The following NBPF26 variants were observed in gnomAD, a reference collection of about 807,000 sequenced individuals.
The protein encoded by NBPF26 is NBPF member 26.
Under a neutral mutation model 119.6 loss-of-function variants are expected in NBPF26, and 79 were observed. The observed-to-expected ratio is 0.66, with a 90% CI of 0.55 to 0.80. The LOEUF is 0.80. Among genes scored for constraint, NBPF26 ranks in the 30% least tolerant of loss-of-function variants. NBPF26 has a pLI of 0.00. For synonymous variants in NBPF26, 299 were observed against 457.7 expected, an observed-to-expected ratio of 0.65 and a Z score of 4.43; for missense variants, 800 against 1,198.2, an observed-to-expected ratio of 0.67 and a Z score of 4.91.
At position 120,770,289 on chromosome 1, in the gene NBPF26, C is replaced by T. The variant is rs1313432545; in HGVS notation, c.155+6580C>T. On this transcript the variant is annotated intron_variant, in intron 2 of 29. Coordinates refer to ENST00000620612, the Ensembl canonical transcript of NBPF26. ...GGTTCATGCCATTCTCCTGCCTCAGCCTCTCAAGTAGCCGGGACTATAAGC... is the reference window on the plus strand; with the variant it reads ...GGTTCATGCCATTCTCCTGCCTCAGTCTCTCAAGTAGCCGGGACTATAAGC... Among the ~76,000 whole-genome samples, 62 of 107,364 alleles carry T rather than the reference C, an allele frequency of 5.8e-4. 11 individuals are homozygous for T. Among genetic ancestry groups the T allele is most frequent in the Admixed American group, 7.3e-4 (8 of 11,034 alleles). The allele number at this position is 107,364 out of a possible 152,430, so 70.4% of individuals were successfully genotyped here. A position where few individuals can be genotyped will look rare whatever the true frequency, so the allele number is the denominator to read the frequency against.
At chr1:120,805,676 C>A in exon 5 of NBPF26, 1 of 1,458,452 alleles carries the variant, frequency 6.9e-7, no homozygotes. Flanking sequence ...CCCCAGCTGC[C>A]AGAGAACAAA....
chr1:120,812,129 T>A lies in NBPF26; in HGVS notation c.1774+34T>A, dbSNP rs1651883962. On this transcript the variant is annotated intron_variant, in intron 10 of 29. Transcript: ENST00000620612. ...TATTGGCTCACCATCACGAAAGTGATGAACGAGGTCCTGTCTTCTCTCTGA... is the reference window on the plus strand; with the variant it reads ...TATTGGCTCACCATCACGAAAGTGAAGAACGAGGTCCTGTCTTCTCTCTGA... The A allele has an allele frequency of 8.3e-6, 9 of 1,086,620 alleles. 2 individuals are homozygous for A. In the South Asian group the frequency reaches 1.2e-4, roughly 14 times the overall value. 67.3% of individuals were successfully genotyped at this position (1,086,620 alleles called of 1,614,324 possible).
rs1651164538 is a variant in NBPF26, at chr1:120,764,208, T to C, written c.155+499T>C. Among the ~76,000 whole-genome samples, 2 of 115,288 alleles carry C rather than the reference T, an allele frequency of 1.7e-5. 1 individual carries two copies. Among genetic ancestry groups the C allele is most frequent in the African/African-American group, 9.8e-5 (2 of 20,308 alleles). 75.6% of individuals were successfully genotyped at this position (115,288 alleles called of 152,430 possible). ...GTTGCAGTGAGCTGAGACCACATCATTGCACTCTAGCCTGGGTGACAGAGC... is the reference window on the plus strand; with the variant it reads ...GTTGCAGTGAGCTGAGACCACATCACTGCACTCTAGCCTGGGTGACAGAGC... On this transcript the variant is annotated intron_variant, in intron 2 of 29. Coordinates refer to ENST00000620612, the Ensembl canonical transcript of NBPF26.
chr1:120,810,828 C>T lies in NBPF26; in HGVS notation c.1564+270C>T, dbSNP rs1398881417. ...AATTAGGCAGGCATGGTGCTGCATG[C>T]CTATAGTCCCAACTGCTCAGGAGAC... On this transcript the variant is annotated intron_variant, in intron 9 of 29. Coordinates refer to ENST00000620612, the Ensembl canonical transcript of NBPF26. 1.4e-4 allele frequency among the ~76,000 whole-genome samples: 15 copies of T among 110,208 alleles called. 4 individuals are homozygous for T. The South Asian group carries it at 3.9e-3, about 28-fold the overall frequency. 72.3% of individuals were successfully genotyped at this position (110,208 alleles called of 152,430 possible).
chr1:120,785,184 T>C (rs2101454900), exon 3 of NBPF26: 1 of 1,445,958 alleles, frequency 6.9e-7, no homozygotes, highest in South Asian at 1.2e-5. Flanking sequence ...GCACATGCCA[T>C]ATGCTCAGCC....
Position 120,814,631 on chromosome 1 carries a change from A to G in NBPF26, c.1878-198A>G, listed in dbSNP as rs1553271471. 3.8e-4 allele frequency among the ~76,000 whole-genome samples: 47 copies of G among 124,202 alleles called. 9 individuals are homozygous for G. Among genetic ancestry groups the G allele is most frequent in the East Asian group, 7.9e-4 (4 of 5,070 alleles). 81.5% of individuals were successfully genotyped at this position (124,202 alleles called of 152,430 possible). A position where few individuals can be genotyped will look rare whatever the true frequency, so the allele number is the denominator to read the frequency against. On this transcript the variant is annotated intron_variant, in intron 11 of 29. Transcript: ENST00000620612. ...ATGGAACATCATCGAGGATCTTGCA[A>G]GAGCCCTCTCTGATTCAGAGGAAGC...
rs1553271366 is a variant in NBPF26 at position 120,813,939 on chromosome 1, G to T, written c.1823G>T (p.Arg608Leu). ...ATAAAATCTATGCTGAGGAATGAGC[G>T]ACAGTTCAAGGAGGAGAAGCTTGCA... The change falls in exon 11 of 30, where the codon CGA (arginine) becomes CTA (leucine). Residue 608 changes from arginine (R) to leucine (L), a missense_variant. Arg to Leu is a moderately radical substitution (Grantham distance 102). Around this residue, in one of 13 missense-constraint regions of NBPF26, gnomAD observed 12 missense variants for 26.0 expected, o/e 0.46. Transcript: ENST00000620612. 45 of 1,508,102 alleles carry T rather than the reference G, an allele frequency of 3.0e-5. No individual in the cohort carries two copies. The South Asian group carries it at 4.7e-4, about 16-fold the overall frequency. The allele number at this position is 1,508,102 out of a possible 1,614,324, so 93.4% of individuals were successfully genotyped here.
intron 17 of NBPF26, among the ~76,000 whole-genome samples, 180 bp from the exon 18 acceptor site, chr1:120,823,794 T>G (rs1466905638): frequency 1.3e-5 from 1 of 77,868 alleles, no homozygotes; most frequent in Non-Finnish European, 2.5e-5. Flanking sequence ...GTGTGTGTCT[T>G]TCATCTTTTT....
At chr1:120,820,450 ATATATATATATATATAT>A (rs1652107600) in intron 15 of NBPF26, among the ~76,000 whole-genome samples, 1 of 7,724 alleles carries the variant, frequency 1.3e-4, no homozygotes, top group Admixed American at 9.5e-4. Context: ...TATTAAAAAT[ATATATATATATATATAT>A]ATATATATAT....
In NBPF26 at chr1:120,815,175, A is replaced by T. The variant is rs1411895578; in HGVS notation, c.2092+132A>T. ...AAGCTTATGTGGCCATGACATGACC[A>T]GGACTTCTTGGGTAAGAACAGAGAT... On this transcript the variant is annotated intron_variant, in intron 12 of 29. Coordinates refer to ENST00000620612, the Ensembl canonical transcript of NBPF26. 5.3e-6 allele frequency: 4 copies of T among 750,104 alleles called. 1 individual carries two copies. Among genetic ancestry groups the T allele is most frequent in the Non-Finnish European group, 8.4e-6 (4 of 477,166 alleles). The allele number at this position is 750,104 out of a possible 1,614,324, so 46.5% of individuals were successfully genotyped here.
In NBPF26 at chr1:120,785,109, A is replaced by C; in HGVS notation, c.291A>C (p.Thr97=). 2.8e-6 allele frequency: 4 copies of C among 1,446,376 alleles called. 1 individual carries two copies. Among genetic ancestry groups the C allele is most frequent in the Non-Finnish European group, 3.7e-6 (4 of 1,082,370 alleles). The allele number at this position is 1,446,376 out of a possible 1,614,324, so 89.6% of individuals were successfully genotyped here. ...CGTGCCGGTGTGCCTCAGGGTTTAC[A>C]GGAGAGGACTGCCAGTACTCGACAC... The change falls in exon 3 of 30, where the codon ACA becomes ACC. Residue 97 remains threonine (T), a synonymous_variant. Transcript: ENST00000620612.
In NBPF26 at chr1:120,733,130, TATG is replaced by T. The variant is rs1650881877; in HGVS notation, c.73+8881_73+8883del. Among the ~76,000 whole-genome samples, 225 of 92,806 alleles carry T rather than the reference TATG, an allele frequency of 2.4e-3. 79 individuals are homozygous for T. Among genetic ancestry groups the T allele is most frequent in the African/African-American group, 0.016 (211 of 13,430 alleles). The allele number at this position is 92,806 out of a possible 152,430, so 60.9% of individuals were successfully genotyped here. On this transcript the variant is annotated intron_variant, in intron 1 of 29. Coordinates refer to ENST00000620612, the Ensembl canonical transcript of NBPF26. ...ATTTATTTTTATATATATATATATATATGTTTAGTTTATGAACAGATCTACATA... is the reference window on the plus strand; with the variant it reads ...ATTTATTTTTATATATATATATATATTTTAGTTTATGAACAGATCTACATA...
At chr1:120,768,585 G>A (rs1179014729) in intron 2 of NBPF26, among the ~76,000 whole-genome samples, 1 of 108,914 alleles carries the variant, frequency 9.2e-6, no homozygotes, top group Non-Finnish European at 1.7e-5. Context: ...TCTGCTGCAT[G>A]AACTGGGGTG....
chr1:120,793,372 C>A lies in NBPF26; in HGVS notation c.627C>A (p.Cys209Ter), dbSNP rs1435445498. 2.4e-5 allele frequency: 34 copies of A among 1,431,638 alleles called. 7 individuals carry two copies. The highest frequency in any genetic ancestry group is 3.0e-5 in the Non-Finnish European group (32 of 1,070,322). 88.7% of individuals were successfully genotyped at this position (1,431,638 alleles called of 1,614,324 possible). Residue 209 changes from cysteine to a stop codon, truncating the protein, a stop_gained, in exon 4 of 30, where the codon TGC becomes TGA. Coordinates refer to ENST00000620612, the Ensembl canonical transcript of NBPF26. LOFTEE classifies it high-confidence loss of function. ...TGCCTGGTTCCTACCAGTGCCAGTG[C>A]CTTCAGGGCTTCACAGGCCAGTACT...
At chr1:120,806,483 A>G (rs1651687499) in intron 5 of NBPF26, among the ~76,000 whole-genome samples, 2 of 119,540 alleles carry the variant, frequency 1.7e-5, no homozygotes, top group Admixed American at 8.1e-5. Context: ...ATCACCACTA[A>G]TCGGGAGGCT....
In NBPF26 at chr1:120,785,160, T is replaced by G; in HGVS notation, c.342T>G (p.Pro114=). The G allele has an allele frequency of 5.5e-6, 8 of 1,446,546 alleles. 1 individual carries two copies. Among genetic ancestry groups the G allele is most frequent in the Non-Finnish European group, 7.4e-6 (8 of 1,082,244 alleles). 89.6% of individuals were successfully genotyped at this position (1,446,546 alleles called of 1,614,324 possible). ...CTCATCCATGCTTTGTGTCTCGACC[T>G]TGCCTGAATGGCGGCACATGCCATA... is the stretch of plus-strand genomic sequence containing the variant. The change falls in exon 3 of 30, where the codon CCT becomes CCG. Residue 114 remains proline, a synonymous_variant. Transcript: ENST00000620612.
exon 12 of NBPF26, chr1:120,814,866 C>T: frequency 1.6e-6 from 2 of 1,238,144 alleles, no homozygotes; most frequent in Non-Finnish European, 2.3e-6. Flanking sequence ...GGAACGAGAG[C>T]TGACCCAGTT....
rs1215645328 is a variant in NBPF26, at chr1:120,818,716, A to T, written c.2423+542A>T. On this transcript the variant is annotated intron_variant, in intron 15 of 29. Transcript: ENST00000620612. ...CTCATTGGTTTCAAAGAACATCTTT[A>T]TTTCTGCCTTCATTTTGTTATTTTC... Among the ~76,000 whole-genome samples the T allele has an allele frequency of 2.5e-5, 3 of 122,116 alleles. 1 individual carries two copies. The East Asian group carries it at 6.0e-4, about 24-fold the overall frequency. The allele number at this position is 122,116 out of a possible 152,430, so 80.1% of individuals were successfully genotyped here.
rs1488522091 is a variant in NBPF26 at position 120,789,904 on chromosome 1, C to T, written c.416-3257C>T. Among the ~76,000 whole-genome samples the T allele has an allele frequency of 5.7e-5, 4 of 69,638 alleles. 1 individual carries two copies. The highest frequency in any genetic ancestry group is 7.2e-4 in the South Asian group (2 of 2,760). 45.7% of individuals were successfully genotyped at this position (69,638 alleles called of 152,430 possible). ...CTGGCTAGTGGAAATGACAGTAATG[C>T]CTTCTTCATAATTAAAATGTCACTC... On this transcript the variant is annotated intron_variant, in intron 3 of 29. Coordinates refer to ENST00000620612, the Ensembl canonical transcript of NBPF26.
Sources: allele counts gnomAD v4.1 joint callset (sites outside exome capture counted in the v4.1 genomes callset), GRCh38; gene constraint gnomAD v4.1.1; regional missense constraint gnomAD v4.1.1; transcripts MANE v1.5; gene names NCBI Gene and HGNC (gene_info 2026-07-23, HGNC 2026-07-21).